ASXL3: variants seen among roughly 807,000 people sequenced by gnomAD.
ASXL3 encodes the protein ASXL transcriptional regulator 3.
Under a neutral mutation model 170.6 loss-of-function variants are expected in ASXL3, and 34 were observed. The ratio of observed to expected loss-of-function variants is 0.20; its 90% CI spans 0.15 to 0.27. The LOEUF (loss-of-function observed/expected upper bound fraction) is 0.27, where lower values mean the gene tolerates loss of function less well. Among genes scored for constraint, ASXL3 ranks in the 10% least tolerant of loss-of-function variants. The probability of loss-of-function intolerance (pLI) is 1.00; values close to 1 mark genes in which losing one functional copy is unlikely to be tolerated. For missense variants in ASXL3, 2,592 were observed against 2,695.3 expected (o/e 0.96, Z 0.85); for synonymous variants, 1,002 against 989.1 (o/e 1.01, Z -0.24).
At chr18:33,609,484 C>G (rs977880461) in intron 2 of ASXL3, among the ~76,000 whole-genome samples, 13 of 152,004 alleles carry the variant, frequency 8.6e-5, no homozygotes, top group African/African-American at 2.9e-4. Flanking sequence ...TTTAATTACA[C>G]TTGTTATCAT....
intron 8 of ASXL3, among the ~76,000 whole-genome samples, chr18:33,702,530 TA>T (rs2066890483): frequency 6.6e-6 from 1 of 152,202 alleles, no homozygotes; most frequent in African/African-American, 2.4e-5. Context: ...TCTGTTAAAC[TA>T]TTATGAATGG....
chr18:33,702,535 T>C (rs1245235932), intron 8 of ASXL3, among the ~76,000 whole-genome samples: 1 of 152,218 alleles, frequency 6.6e-6, no homozygotes, highest in Admixed American at 6.5e-5. Flanking sequence ...TAAACTATTA[T>C]GAATGGCTAA....
At chr18:33,640,931 A>G (rs2065837020) in intron 2 of ASXL3, among the ~76,000 whole-genome samples, 3 of 152,050 alleles carry the variant, frequency 2.0e-5, no homozygotes, top group Non-Finnish European at 1.5e-5. Flanking sequence ...AAATGTTAGC[A>G]GGAAATAGAT....
chr18:33,744,574 A>C lies in ASXL3; in HGVS notation c.4726A>C (p.Ser1576Arg). The C allele has an allele frequency of 1.2e-6, 2 of 1,611,548 alleles. No individual in the cohort carries two copies. Among genetic ancestry groups the C allele is most frequent in the South Asian group, 1.1e-5 (1 of 90,680 alleles). ...TAAATTAAATGAGCCGACTGCTCCC[A>C]GTCATAACTTTGCTGAGCAGGCACG... Reference protein sequence around the residue: ...PDKLNEPTAPSHNFAEQARGP... With the variant: ...PDKLNEPTAPRHNFAEQARGP... The change falls in exon 12 of 12, where the codon AGT becomes CGT. Residue 1576 changes from serine to arginine, a missense_variant. Around this residue, in one of 4 missense-constraint regions of ASXL3, gnomAD observed 2,246 missense variants for 2,219.6 expected, o/e 1.01. Coordinates refer to ENST00000269197, the MANE Select transcript of ASXL3 (RefSeq NM_030632.3).
At chr18:33,597,821 A>G (rs2065144081) in intron 1 of ASXL3, among the ~76,000 whole-genome samples, 2 of 151,912 alleles carry the variant, frequency 1.3e-5, no homozygotes, top group Admixed American at 6.6e-5. Flanking sequence ...AAAAACAAAA[A>G]ACAAACAAAA....
In ASXL3 at chr18:33,743,794, A is replaced by G; in HGVS notation, c.3946A>G (p.Ser1316Gly). 6.2e-7 allele frequency: 1 copy of G among 1,614,008 alleles called. No individual in the cohort carries two copies. Among genetic ancestry groups the G allele is most frequent in the Non-Finnish European group, 8.5e-7 (1 of 1,179,896 alleles). ...CACTACAGAGGGCTCCAGCATATCA[A>G]GCTCCATGGATGATAAGCAGTTACT... The part of the protein sequence containing the change: ...SATTEGSSIS[S>G]SMDDKQLLIS... Residue 1316 changes from serine (S) to glycine (G), a missense_variant, in exon 12 of 12, where the codon AGC becomes GGC. Ser to Gly is a moderately conservative substitution (Grantham distance 56). This residue lies in a region of ASXL3 where 2,246 missense variants were observed against 2,219.6 expected (regional missense o/e 1.01). Coordinates refer to ENST00000269197, the MANE Select transcript of ASXL3 (RefSeq NM_030632.3).
intron 4 of ASXL3, among the ~76,000 whole-genome samples, chr18:33,652,104 A>G (rs956180165): frequency 3.3e-5 from 5 of 152,040 alleles, no homozygotes; most frequent in Admixed American, 1.3e-4. Flanking sequence ...CGTGTTGACA[A>G]CCCATGACCA....
At chr18:33,738,344 G>A in intron 10 of ASXL3, 143 bp from the exon 11 acceptor site, 2 of 855,580 alleles carry the variant, frequency 2.3e-6, no homozygotes, top group Admixed American at 3.0e-5. Context: ...ATTGTAAACT[G>A]GTTTACATAA....
At chr18:33,650,312 A>G (rs1292740825) in intron 4 of ASXL3, among the ~76,000 whole-genome samples, 2 of 152,074 alleles carry the variant, frequency 1.3e-5, no homozygotes, top group Non-Finnish European at 2.9e-5. Context: ...GCATCATAGG[A>G]ACCAGGGAGG....
intron 2 of ASXL3, among the ~76,000 whole-genome samples, chr18:33,612,704 T>C (rs905565908): frequency 6.6e-6 from 1 of 152,076 alleles, no homozygotes; most frequent in Non-Finnish European, 1.5e-5. Flanking sequence ...TGACAAACAA[T>C]AAAATTTCTT....
chr18:33,668,610 C>T (rs988073869), intron 5 of ASXL3, among the ~76,000 whole-genome samples: 2 of 152,000 alleles, frequency 1.3e-5, no homozygotes, highest in African/African-American at 4.8e-5. Context: ...TATTGGTCAC[C>T]TTCCTTTATC....
At position 33,739,939 on chromosome 18, in the gene ASXL3, G is replaced by C. The variant is rs369578506; in HGVS notation, c.2535G>C (p.Glu845Asp). The change falls in exon 11 of 12, where the codon GAG becomes GAC. Residue 845 changes from glutamate (E) to aspartate (D), a missense_variant. By Grantham distance (45) the Glu-to-Asp change is conservative. Around this residue, in one of 4 missense-constraint regions of ASXL3, gnomAD observed 2,246 missense variants for 2,219.6 expected, o/e 1.01. Transcript: ENST00000269197. ...CCTGTAAATCACATGTTGACACTGA[G>C]AAGCCCTACCCTGCTTCAATTCCAG... The part of the protein sequence containing the change: ...QQTCKSHVDT[E>D]KPYPASIPEL... 1.7e-5 allele frequency: 27 copies of C among 1,613,758 alleles called. No individual in the cohort carries two copies. Among genetic ancestry groups the C allele is most frequent in the Non-Finnish European group, 2.2e-5 (26 of 1,179,868 alleles).
rs116400159 is a variant in ASXL3 at position 33,648,753 on chromosome 18, A to G, written c.355+2400A>G. Among the ~76,000 whole-genome samples the G allele has an allele frequency of 3.6e-3, 542 of 152,192 alleles. 3 individuals are homozygous for G. The highest frequency in any genetic ancestry group is 0.012 in the African/African-American group (510 of 41,536). ...GCACTTGAATTTTAAGAGCTTGGAGAGAGTATAGAAAACAGTGAGACTGAA... is the reference window on the plus strand; with the variant it reads ...GCACTTGAATTTTAAGAGCTTGGAGGGAGTATAGAAAACAGTGAGACTGAA... On this transcript the variant is annotated intron_variant, in intron 4 of 11. Coordinates refer to ENST00000269197, the MANE Select transcript of ASXL3 (RefSeq NM_030632.3).
chr18:33,601,223 G>A (rs900065284), intron 1 of ASXL3, among the ~76,000 whole-genome samples: 6 of 150,834 alleles, frequency 4.0e-5, no homozygotes, highest in Admixed American at 4.0e-4. Flanking sequence ...GCTCTTCTTT[G>A]TATTGAAAAA....
intron 4 of ASXL3, among the ~76,000 whole-genome samples, chr18:33,658,980 A>G (rs1054556831): frequency 3.9e-5 from 6 of 152,084 alleles, no homozygotes; most frequent in African/African-American, 7.2e-5. Flanking sequence ...ATAGATGTCA[A>G]TCACTATCAA....
intron 8 of ASXL3, among the ~76,000 whole-genome samples, chr18:33,685,105 G>A (rs542258883): frequency 4.6e-5 from 7 of 152,254 alleles, no homozygotes; most frequent in African/African-American, 1.4e-4. Flanking sequence ...ATGGAGCTGT[G>A]ATGTAATAAG....
intron 8 of ASXL3, among the ~76,000 whole-genome samples, chr18:33,684,321 T>C (rs2066558887): frequency 6.6e-6 from 1 of 152,188 alleles, no homozygotes; most frequent in African/African-American, 2.4e-5. Context: ...ATGGACTTAA[T>C]GCATGTATAT....
chr18:33,697,002 G>T (rs2066783997), intron 8 of ASXL3, among the ~76,000 whole-genome samples: 1 of 152,118 alleles, frequency 6.6e-6, no homozygotes, highest in South Asian at 2.1e-4. Context: ...TTTGTACAGG[G>T]TCAACAGAGT....
intron 8 of ASXL3, among the ~76,000 whole-genome samples, chr18:33,729,742 C>T (rs552955484): frequency 3.5e-4 from 53 of 152,238 alleles, no homozygotes; most frequent in African/African-American, 9.9e-4. Context: ...TCCTTCATTA[C>T]TCATTTCTGA....
Sources: gnomAD v4.1 joint callset for allele counts (sites outside exome capture counted in the v4.1 genomes callset) on GRCh38, gnomAD v4.1.1 for gene constraint, gnomAD v4.1.1 regional missense constraint, MANE v1.5 for transcripts, NCBI Gene and HGNC (gene_info 2026-07-23, HGNC 2026-07-21) for gene names.